AQR: variants seen among roughly 807,000 people sequenced by gnomAD.
The protein encoded by AQR is RNA helicase aquarius.
A neutral mutation model predicts 180.5 loss-of-function variants in AQR; 61 were observed. The ratio of observed to expected loss-of-function variants is 0.34; its 90% CI spans 0.28 to 0.42. The LOEUF is 0.42. Ranked by LOEUF, AQR falls within the 10% of genes least tolerant of loss-of-function variation. The probability of loss-of-function intolerance (pLI) is 1.00; values close to 1 mark genes in which losing one functional copy is unlikely to be tolerated. For synonymous variants in AQR, 551 were observed against 588.8 expected (o/e 0.94, Z 0.93); for missense variants, 1,281 against 1,798.3 (o/e 0.71, Z 5.20).
chr15:34,920,411 G>A lies in AQR; in HGVS notation c.1142C>T (p.Ala381Val), dbSNP rs1330282169. The change falls in exon 14 of 35, where the codon GCA (alanine) becomes GTA (valine). Residue 381 changes from alanine to valine, a missense_variant. Around this residue, in one of 9 missense-constraint regions of AQR, gnomAD observed 404 missense variants for 490.9 expected, o/e 0.82. Coordinates refer to ENST00000156471, the MANE Select transcript of AQR (RefSeq NM_014691.3). ...AGTTGGCAACAAGCAGAGGTATGAT[G>A]CCACCTGGTGGAGTGTGTTTGAACT... is the stretch of plus-strand genomic sequence containing the variant. The part of the protein sequence containing the change: ...PLSSNTLHQV[A>V]SYLCLLPTLP... The A allele has an allele frequency of 1.2e-6, 2 of 1,613,252 alleles. No homozygotes were observed. Among genetic ancestry groups the A allele is most frequent in the African/African-American group, 1.3e-5 (1 of 74,908 alleles).
chr15:34,917,641 T>C (rs1050571369), intron 15 of AQR, among the ~76,000 whole-genome samples: 2 of 152,098 alleles, frequency 1.3e-5, no homozygotes, highest in South Asian at 2.1e-4. Flanking sequence ...CAGCCTATCA[T>C]AGTGACAAAA....
At chr15:34,962,471 A>G (rs1410346268) in intron 2 of AQR, among the ~76,000 whole-genome samples, 1 of 152,198 alleles carries the variant, frequency 6.6e-6, no homozygotes, top group Non-Finnish European at 1.5e-5. Flanking sequence ...AAATAATAAA[A>G]TAAAGATTAC....
chr15:34,913,439 T>C (rs1056559991), intron 16 of AQR, among the ~76,000 whole-genome samples: 4 of 152,110 alleles, frequency 2.6e-5, no homozygotes, highest in African/African-American at 9.7e-5. Context: ...GGCCCCCTTT[T>C]AGGTTTCGAC....
intron 32 of AQR, among the ~76,000 whole-genome samples, chr15:34,865,047 G>A (rs1460509785): frequency 2.6e-5 from 4 of 151,646 alleles, no homozygotes; most frequent in African/African-American, 9.7e-5. Flanking sequence ...CAAACTACCA[G>A]GCAAAAAAAA....
chr15:34,943,432 G>C, intron 6 of AQR: 1 of 848,772 alleles, frequency 1.2e-6, no homozygotes, highest in Non-Finnish European at 1.9e-6. Flanking sequence ...ATAAAATCTT[G>C]AGTTTATGTT....
At chr15:34,911,245 T>C (rs543315494) in intron 16 of AQR, among the ~76,000 whole-genome samples, 26 of 152,346 alleles carry the variant, frequency 1.7e-4, no homozygotes, top group African/African-American at 5.8e-4. Context: ...AATGCTGCAA[T>C]GAACACAAGA....
At chr15:34,898,284 C>T (rs1490210942) in intron 20 of AQR, among the ~76,000 whole-genome samples, 1 of 152,110 alleles carries the variant, frequency 6.6e-6, no homozygotes, top group African/African-American at 2.4e-5. Flanking sequence ...CCACAGATAC[C>T]TCAGGGAAGT....
intron 32 of AQR, 24 bp from the exon 33 acceptor site, chr15:34,863,065 T>C (rs1229762585): frequency 6.3e-7 from 1 of 1,596,562 alleles, no homozygotes; most frequent in Non-Finnish European, 8.5e-7. Flanking sequence ...ACAAAATAAT[T>C]AGCACACTTC....
At chr15:34,912,063 T>C (rs1320111638) in intron 16 of AQR, among the ~76,000 whole-genome samples, 1 of 152,198 alleles carries the variant, frequency 6.6e-6, no homozygotes, top group Non-Finnish European at 1.5e-5. Context: ...TCTTGGCACA[T>C]GCATCGAAGA....
chr15:34,950,823 G>A (rs1012511505), intron 4 of AQR, among the ~76,000 whole-genome samples: 3 of 152,132 alleles, frequency 2.0e-5, no homozygotes, highest in African/African-American at 7.2e-5. Flanking sequence ...CTGCAGTATA[G>A]TTGGAATACA....
At chr15:34,960,955 A>G (rs1263453480) in intron 2 of AQR, 141 bp from the exon 3 acceptor site, 1 of 382,828 alleles carries the variant, frequency 2.6e-6, no homozygotes, top group Non-Finnish European at 4.7e-6. Context: ...ATAATGAGAT[A>G]TTTAAAATAA....
At position 34,904,484 on chromosome 15, in the gene AQR, A is replaced by G. The variant is rs1893381587; in HGVS notation, c.1853T>C (p.Leu618Pro). The G allele has an allele frequency of 6.2e-7, 1 of 1,611,406 alleles. No homozygotes were observed. Among genetic ancestry groups the G allele is most frequent in the Non-Finnish European group, 8.5e-7 (1 of 1,178,940 alleles). The change falls in exon 19 of 35, where the codon CTT (leucine) becomes CCT (proline). Residue 618 changes from leucine (L) to proline (P), a missense_variant. Physicochemically the swap from Leu to Pro is moderately conservative, Grantham distance 98. This residue lies in a region of AQR where 200 missense variants were observed against 293.4 expected (regional missense o/e 0.68). Coordinates refer to ENST00000156471, the MANE Select transcript of AQR (RefSeq NM_014691.3). ...IEDGPEPRPN[L>P]RGESRTFRVF... ...TCTAAATGTCCTTGATTCTCCTCTA[A>G]GATTGGGTCTGGGTTCAGGTCCTGG...
Position 34,910,203 on chromosome 15 carries a change from G to C in AQR, c.1595C>G (p.Pro532Arg). The change falls in exon 17 of 35, where the codon CCA becomes CGA. Residue 532 changes from proline (P) to arginine (R), a missense_variant. This residue lies in a region of AQR where 200 missense variants were observed against 293.4 expected (regional missense o/e 0.68). Transcript: ENST00000156471. ...GGTAACATCTGCACGAACTCGGGTT[G>C]GCCAGTTTTCACCTATGTTGGGTTT... ...VAKPNIGENW[P>R]TRVRADVTIN... 6.2e-7 allele frequency: 1 copy of C among 1,614,196 alleles called. No individual in the cohort carries two copies. The highest frequency in any genetic ancestry group is 8.5e-7 in the Non-Finnish European group (1 of 1,180,036).
rs528005120 is a variant in AQR at position 34,944,141 on chromosome 15, T to C, written c.471+147A>G. 2.1e-4 allele frequency: 136 copies of C among 659,326 alleles called. No homozygotes were observed. The African/African-American group carries it at 2.4e-3, about 12-fold the overall frequency. The allele number at this position is 659,326 out of a possible 1,614,324, so 40.8% of individuals were successfully genotyped here. The stretch of plus-strand genomic sequence containing the variant: ...AAGACTTATAAAATGGTTTTACTGA[T>C]AAGTGGCTGAAATCAAGCTTTTAGC... On this transcript the variant is annotated intron_variant, in intron 6 of 34. Transcript: ENST00000156471.
At chr15:34,912,090 G>C (rs1410046919) in intron 16 of AQR, among the ~76,000 whole-genome samples, 1 of 152,124 alleles carries the variant, frequency 6.6e-6, no homozygotes, top group Non-Finnish European at 1.5e-5. Context: ...GATTGTACAA[G>C]TGTGGGTTTA....
At chr15:34,877,769 T>C (rs1304101437) in intron 27 of AQR, among the ~76,000 whole-genome samples, 1 of 152,230 alleles carries the variant, frequency 6.6e-6, no homozygotes, top group East Asian at 1.9e-4. Flanking sequence ...CATGTATTTA[T>C]TAGTCAGATC....
chr15:34,893,565 C>T (rs1198184552), intron 23 of AQR, 98 bp downstream of exon 23: 1 of 1,010,474 alleles, frequency 9.9e-7, no homozygotes, highest in Non-Finnish European at 1.5e-6. Context: ...CTTACCTCCC[C>T]CTCAACCCCT....
At position 34,897,249 on chromosome 15, in the gene AQR, A is replaced by C. The variant is rs80152075; in HGVS notation, c.2391-283T>G. 9.3e-3 allele frequency among the ~76,000 whole-genome samples: 1,414 copies of C among 152,330 alleles called. 23 individuals carry two copies. The highest frequency in any genetic ancestry group is 0.032 in the African/African-American group (1,349 of 41,570). On this transcript the variant is annotated intron_variant, in intron 21 of 34. Transcript: ENST00000156471. ...ATAATGCCAATTTACTAGTTATGGC[A>C]CACATGCATTAGGGCTACTGCTATA...
intron 33 of AQR, among the ~76,000 whole-genome samples, chr15:34,861,532 C>T (rs1483108146): frequency 6.6e-6 from 1 of 152,174 alleles, no homozygotes; most frequent in Admixed American, 6.5e-5. Context: ...TATTGTCTGA[C>T]CTGCACTCCA....
Sources: gnomAD v4.1 joint callset for allele counts (sites outside exome capture counted in the v4.1 genomes callset) on GRCh38, gnomAD v4.1.1 for gene constraint, gnomAD v4.1.1 regional missense constraint, MANE v1.5 for transcripts, NCBI Gene and HGNC (gene_info 2026-07-23, HGNC 2026-07-21) for gene names.